The following UNC79 variants were observed in gnomAD, a reference collection of about 807,000 sequenced individuals.
The protein encoded by UNC79 is protein unc-79 homolog.
UNC79 carries 37 observed loss-of-function variants against 283.1 expected under a neutral mutation model. The ratio of observed to expected loss-of-function variants is 0.13; its 90% CI spans 0.10 to 0.17. The LOEUF (loss-of-function observed/expected upper bound fraction) is 0.17, where lower values mean the gene tolerates loss of function less well. Ranked by LOEUF, UNC79 falls within the 10% of genes least tolerant of loss-of-function variation. The pLI, the probability that UNC79 is intolerant of heterozygous loss-of-function variation, is 1.00. For synonymous variants in UNC79, 1,107 were observed against 1,200.2 expected (o/e 0.92, Z 1.61); for missense variants, 2,272 against 3,211.1 (o/e 0.71, Z 7.07).
chr14:93,706,593 A>G (rs1029277280), intron 48 of UNC79, 111 bp from the exon 52 acceptor site: 2 of 1,259,070 alleles, frequency 1.6e-6, no homozygotes, highest in African/African-American at 3.0e-5. Flanking sequence ...TTCAGGCCAG[A>G]CAACCCTTGA....
At chr14:93,673,389 A>G in exon 41 of UNC79, 1 of 1,613,492 alleles carries the variant, frequency 6.2e-7, no homozygotes, top group Non-Finnish European at 8.5e-7. Flanking sequence ...GTGTTGTTCT[A>G]GAACTTCTGC....
chr14:93,636,301 C>G (rs1309063960), intron 31 of UNC79, among the ~76,000 whole-genome samples: 1 of 152,094 alleles, frequency 6.6e-6, no homozygotes, highest in African/African-American at 2.4e-5. Context: ...CCGAGTTTTC[C>G]TGGGCCTGTT....
chr14:93,678,011 A>C (rs1454453936), intron 41 of UNC79, among the ~76,000 whole-genome samples: 1 of 152,112 alleles, frequency 6.6e-6, no homozygotes, highest in African/African-American at 2.4e-5. Flanking sequence ...TGGGTCCTCC[A>C]GGTGTTCTCT....
intron 1 of UNC79, among the ~76,000 whole-genome samples, chr14:93,414,821 T>C (rs966775346): frequency 1.6e-4 from 25 of 152,206 alleles, no homozygotes; most frequent in Admixed American, 1.2e-3. Context: ...ATGATTTGGC[T>C]CTCTGTCATT....
intron 4 of UNC79, among the ~76,000 whole-genome samples, chr14:93,479,807 A>G (rs565147908): frequency 1.3e-5 from 2 of 151,970 alleles, no homozygotes; most frequent in African/African-American, 4.8e-5. Flanking sequence ...AATTAAAAAA[A>G]TTTTTTTGTA....
At chr14:93,392,764 A>C (rs1595422927) in intron 1 of UNC79, among the ~76,000 whole-genome samples, 1 of 149,716 alleles carries the variant, frequency 6.7e-6, no homozygotes, top group Non-Finnish European at 1.5e-5. Context: ...TGATTACCCA[A>C]ATCTCTTGGG....
intron 4 of UNC79, among the ~76,000 whole-genome samples, chr14:93,478,782 A>G (rs928781980): frequency 1.3e-5 from 2 of 152,170 alleles, no homozygotes; most frequent in Non-Finnish European, 1.5e-5. Context: ...CCTAGTGATC[A>G]TTATTCACAT....
intron 40 of UNC79, 116 bp from the exon 44 acceptor site, chr14:93,673,235 T>G (rs2073043261): frequency 1.1e-6 from 1 of 871,100 alleles, no homozygotes; most frequent in Non-Finnish European, 1.7e-6. Context: ...CACTATGCAT[T>G]TTTGAATACT....
At chr14:93,600,010 C>A (rs1434069126) in intron 24 of UNC79, among the ~76,000 whole-genome samples, 1 of 151,862 alleles carries the variant, frequency 6.6e-6, no homozygotes, top group Non-Finnish European at 1.5e-5. Flanking sequence ...GACCATCCGG[C>A]TAACACAGTG....
At chr14:93,406,708 T>A (rs2055233634) in intron 1 of UNC79, among the ~76,000 whole-genome samples, 1 of 152,230 alleles carries the variant, frequency 6.6e-6, no homozygotes, top group Non-Finnish European at 1.5e-5. Context: ...TTTTGGGTTC[T>A]GCTCTAACAC....
At chr14:93,594,849 G>A (rs8017954) in intron 23 of UNC79, among the ~76,000 whole-genome samples, 2,014 of 152,186 alleles carry the variant, frequency 0.013, 18 homozygotes, top group Middle Eastern at 0.024. Context: ...CTGTAGGTTT[G>A]TGTCTCAAAA....
At chr14:93,532,622 T>A in intron 11 of UNC79, 44 bp downstream of exon 11, 1 of 1,604,532 alleles carries the variant, frequency 6.2e-7, no homozygotes, top group South Asian at 1.1e-5. Context: ...ATTTATTGTG[T>A]TTGTATGTAA....
chr14:93,549,296 T>C (rs952421571), intron 14 of UNC79, among the ~76,000 whole-genome samples: 10 of 152,344 alleles, frequency 6.6e-5, no homozygotes, highest in African/African-American at 2.4e-4. Context: ...ATGATTCTGT[T>C]TAATTAAAAT....
At chr14:93,674,266 G>C (rs1180773537) in intron 41 of UNC79, among the ~76,000 whole-genome samples, 2 of 152,176 alleles carry the variant, frequency 1.3e-5, no homozygotes, top group Non-Finnish European at 2.9e-5. Context: ...AACGACTGGA[G>C]GGTACAGACA....
intron 14 of UNC79, among the ~76,000 whole-genome samples, chr14:93,554,338 G>C (rs904729888): frequency 3.5e-5 from 5 of 144,312 alleles, no homozygotes; most frequent in Non-Finnish European, 7.5e-5. Context: ...ACTGGCTGAA[G>C]CAAGACTCTG....
intron 24 of UNC79, among the ~76,000 whole-genome samples, 171 bp from the exon 25 acceptor site, chr14:93,600,398 A>G (rs571365891): frequency 6.6e-6 from 1 of 152,222 alleles, no homozygotes; most frequent in Non-Finnish European, 1.5e-5. Context: ...TTTCTTTCCT[A>G]CCAAAACTTC....
chr14:93,423,850 A>G (rs1484133738), intron 1 of UNC79, among the ~76,000 whole-genome samples: 2 of 152,240 alleles, frequency 1.3e-5, no homozygotes, highest in Non-Finnish European at 2.9e-5. Flanking sequence ...AACTGAAGCA[A>G]AAATGGACAA....
chr14:93,634,188 TTTG>T (rs2068296817), intron 31 of UNC79, among the ~76,000 whole-genome samples: 1 of 152,186 alleles, frequency 6.6e-6, no homozygotes, highest in African/African-American at 2.4e-5. Flanking sequence ...TACATTTAAA[TTTG>T]TTATTTGTCT....
chr14:93,584,136 CAG>C (rs2064038728), intron 20 of UNC79, among the ~76,000 whole-genome samples: 1 of 152,164 alleles, frequency 6.6e-6, no homozygotes, highest in South Asian at 2.1e-4. Context: ...TTTCTGCAAA[CAG>C]AATATTCTGC....
Sources: allele counts gnomAD v4.1 joint callset (sites outside exome capture counted in the v4.1 genomes callset), GRCh38; gene constraint gnomAD v4.1.1; transcripts MANE v1.5; gene names NCBI Gene and HGNC (gene_info 2026-07-23, HGNC 2026-07-21).